MAD1L1: variants seen among roughly 807,000 people sequenced by gnomAD.
MAD1L1 encodes the protein mitotic spindle assembly checkpoint protein MAD1.
In MAD1L1, 95 loss-of-function variants were observed where a neutral mutation model predicts 96.9. The observed-to-expected ratio is 0.98, with a 90% CI of 0.83 to 1.16. MAD1L1 has a LOEUF of 1.16. Among genes scored for constraint, MAD1L1 ranks in the 50% most tolerant of loss-of-function variants. The pLI, the probability that MAD1L1 is intolerant of heterozygous loss-of-function variation, is 0.00. For missense variants in MAD1L1, 1,007 were observed against 954.4 expected (o/e 1.06, Z -0.73); for synonymous variants, 473 against 396.6 (o/e 1.19, Z -2.29).
At chr7:2,076,872 T>C (rs534028576) in intron 11 of MAD1L1, among the ~76,000 whole-genome samples, 8 of 143,498 alleles carry the variant, frequency 5.6e-5, no homozygotes, top group African/African-American at 2.1e-4. Context: ...GGTGAGCCTG[T>C]GGCACGGTGA....
chr7:2,020,633 G>A (rs979056710), intron 12 of MAD1L1, among the ~76,000 whole-genome samples: 1 of 152,250 alleles, frequency 6.6e-6, no homozygotes, highest in African/African-American at 2.4e-5. Flanking sequence ...CTCCTGGGAG[G>A]GAGGCTGACC....
At chr7:2,077,756 C>A (rs893988998) in intron 11 of MAD1L1, among the ~76,000 whole-genome samples, 1 of 152,210 alleles carries the variant, frequency 6.6e-6, no homozygotes, top group Non-Finnish European at 1.5e-5. Context: ...CCCCAGTGGA[C>A]AGCCTGCCCT....
chr7:2,078,908 C>T (rs538277135), intron 11 of MAD1L1, among the ~76,000 whole-genome samples: 1 of 152,376 alleles, frequency 6.6e-6, no homozygotes, highest in East Asian at 1.9e-4. Flanking sequence ...CTGTACTGAC[C>T]TCCAGGGTCT....
At chr7:1,922,329 C>T (rs1049191969) in intron 17 of MAD1L1, among the ~76,000 whole-genome samples, 20 of 152,280 alleles carry the variant, frequency 1.3e-4, no homozygotes, top group Admixed American at 2.6e-4. Context: ...TTGCCGTTGT[C>T]GGCGTGCTGT....
In MAD1L1 at chr7:2,137,627, C is replaced by T. The variant is rs1342255269; in HGVS notation, c.1073+11525G>A. Among the ~76,000 whole-genome samples the T allele has an allele frequency of 2.6e-5, 4 of 152,318 alleles. 1 individual carries two copies. The highest frequency in any genetic ancestry group is 6.8e-3 in the Middle Eastern group (2 of 294). ...CACGTGCCACCTCTAGCCCCAGGTG[C>T]AGACAGGCTTGTGCCATGGCACTGC... On this transcript the variant is annotated intron_variant, in intron 11 of 18. Coordinates refer to ENST00000265854, the MANE Select transcript of MAD1L1 (RefSeq NM_001013836.2).
chr7:2,029,010 C>T (rs1474281445), intron 12 of MAD1L1, among the ~76,000 whole-genome samples: 1 of 151,956 alleles, frequency 6.6e-6, no homozygotes, highest in Admixed American at 6.6e-5. Context: ...TGGAGGGTGG[C>T]GAAGCTTTCT....
At chr7:2,177,309 G>A (rs1488086857) in intron 10 of MAD1L1, among the ~76,000 whole-genome samples, 5 of 152,180 alleles carry the variant, frequency 3.3e-5, no homozygotes, top group Admixed American at 3.3e-4. Flanking sequence ...CTAGTGCTAT[G>A]CATTCATGTA....
chr7:1,857,184 C>T (rs1276732126), intron 18 of MAD1L1, among the ~76,000 whole-genome samples: 3 of 152,206 alleles, frequency 2.0e-5, no homozygotes, highest in Admixed American at 6.5e-5. Context: ...GAGCCGCGAG[C>T]GCGGACCGTA....
At chr7:2,102,433 C>CCTCACCACCACTGCTACTGTCACCA (rs201769468) in intron 11 of MAD1L1, among the ~76,000 whole-genome samples, 13 of 149,200 alleles carry the variant, frequency 8.7e-5, no homozygotes, top group African/African-American at 2.5e-4. Context: ...CCACTGTCAC[C>CCTCACCACCACTGCTACTGTCACCA]CTCACCACCA....
rs1242609796 is a variant in MAD1L1 at position 1,968,294 on chromosome 7, C to T, written c.1506-10575G>A. Among the ~76,000 whole-genome samples, 2 of 150,822 alleles carry T rather than the reference C, an allele frequency of 1.3e-5. No individual in the cohort carries two copies. Among genetic ancestry groups the T allele is most frequent in the Non-Finnish European group, 2.9e-5 (2 of 67,858 alleles). ...TGTCCACATCAACGCCTCAGTCCAG[C>T]GGTCAGGTCCACTGTCAACGCCTCA... is the stretch of plus-strand genomic sequence containing the variant. On this transcript the variant is annotated intron_variant, in intron 15 of 18. Transcript: ENST00000265854. The surrounding 1 kb of genome is among the most constrained non-coding windows in gnomAD (Gnocchi z 5.6).
chr7:1,962,635 G>GACAAAAA (rs897141619), intron 15 of MAD1L1, among the ~76,000 whole-genome samples: 1 of 151,904 alleles, frequency 6.6e-6, no homozygotes, highest in African/African-American at 2.4e-5. Context: ...TTTTAAAATG[G>GACAAAAA]ACAAAAAAAC....
chr7:2,045,189 G>T (rs1397580881), intron 12 of MAD1L1, among the ~76,000 whole-genome samples: 1 of 152,196 alleles, frequency 6.6e-6, no homozygotes, highest in Non-Finnish European at 1.5e-5. Flanking sequence ...CTCCAGGCCA[G>T]GAGCACCAGC....
intron 4 of MAD1L1, among the ~76,000 whole-genome samples, chr7:2,223,333 T>C (rs908614984): frequency 2.0e-5 from 3 of 152,186 alleles, no homozygotes; most frequent in Admixed American, 6.5e-5. Flanking sequence ...GGAGGCCGCG[T>C]GGCTCTCACT....
intron 16 of MAD1L1, among the ~76,000 whole-genome samples, chr7:1,954,591 A>G (rs1312756185): frequency 1.3e-5 from 2 of 152,160 alleles, no homozygotes; most frequent in Non-Finnish European, 2.9e-5. Flanking sequence ...CGGCTGCACC[A>G]ATAGCCATGG....
At chr7:2,156,433 C>G (rs1050949040) in intron 10 of MAD1L1, among the ~76,000 whole-genome samples, 5 of 138,056 alleles carry the variant, frequency 3.6e-5, no homozygotes, top group African/African-American at 1.3e-4. Context: ...TGAATCAAGA[C>G]CCCCCTGAAG....
At chr7:2,141,682 C>T (rs1332181016) in intron 11 of MAD1L1, among the ~76,000 whole-genome samples, 2 of 151,564 alleles carry the variant, frequency 1.3e-5, no homozygotes, top group Admixed American at 1.3e-4. Flanking sequence ...TACCCACCCA[C>T]CCCCGCTGAG....
At chr7:2,159,176 C>A (rs748798686) in intron 10 of MAD1L1, among the ~76,000 whole-genome samples, 1 of 152,234 alleles carries the variant, frequency 6.6e-6, no homozygotes, top group Non-Finnish European at 1.5e-5. Flanking sequence ...CAGCAGCAAA[C>A]CCTCGTCACG....
chr7:2,157,300 T>C (rs1434547582), intron 10 of MAD1L1, among the ~76,000 whole-genome samples: 1 of 152,124 alleles, frequency 6.6e-6, no homozygotes, highest in Non-Finnish European at 1.5e-5. Context: ...GTCACCGTGA[T>C]CAGGAAGCGG....
intron 16 of MAD1L1, among the ~76,000 whole-genome samples, chr7:1,951,247 T>G (rs772235494): frequency 1.3e-5 from 2 of 152,210 alleles, no homozygotes; most frequent in Non-Finnish European, 2.9e-5. Flanking sequence ...GCAGGAGGCC[T>G]CAGGGGCTCA....
Sources: allele counts gnomAD v4.1 joint callset (sites outside exome capture counted in the v4.1 genomes callset), GRCh38; gene constraint gnomAD v4.1.1; non-coding constraint Gnocchi (gnomAD v3.1); transcripts MANE v1.5; gene names NCBI Gene and HGNC (gene_info 2026-07-23, HGNC 2026-07-21).